The following LDB2 variants were observed in gnomAD, a reference collection of about 807,000 sequenced individuals.
The protein encoded by LDB2 is LIM domain binding 2.
Under a neutral mutation model 44.3 loss-of-function variants are expected in LDB2, and 12 were observed. The ratio of observed to expected loss-of-function variants is 0.27; its 90% CI spans 0.17 to 0.44. The LOEUF (loss-of-function observed/expected upper bound fraction) is 0.44, where lower values mean the gene tolerates loss of function less well. Ranked by LOEUF, LDB2 falls within the 20% of genes least tolerant of loss-of-function variation. LDB2 has a pLI of 1.00. For missense variants in LDB2, 344 were observed against 473.5 expected, an observed-to-expected ratio of 0.73 and a Z score of 2.54; for synonymous variants, 164 against 174.8, an observed-to-expected ratio of 0.94 and a Z score of 0.49.
chr4:16,555,828 C>T (rs1393140939), intron 5 of LDB2, among the ~76,000 whole-genome samples: 1 of 152,180 alleles, frequency 6.6e-6, no homozygotes, highest in Non-Finnish European at 1.5e-5. Context: ...GGAATACATG[C>T]TCTGTGTCAT....
intron 2 of LDB2, among the ~76,000 whole-genome samples, chr4:16,729,001 G>A (rs1760141755): frequency 6.6e-6 from 1 of 152,166 alleles, no homozygotes; most frequent in Admixed American, 6.5e-5. Context: ...TTATTGGAAG[G>A]ACTTGGGTAT....
intron 1 of LDB2, among the ~76,000 whole-genome samples, chr4:16,860,521 A>G (rs1213554148): frequency 1.3e-5 from 2 of 152,198 alleles, no homozygotes; most frequent in African/African-American, 2.4e-5. Context: ...ACTTTTATAA[A>G]TGAGTGCCAC....
In LDB2 at chr4:16,896,686, G is replaced by T. The variant is rs536649096; in HGVS notation, c.132+1668C>A. 3.3e-5 allele frequency among the ~76,000 whole-genome samples: 5 copies of T among 152,260 alleles called. 1 individual carries two copies. In the South Asian group the frequency reaches 1.0e-3, roughly 32 times the overall value. On this transcript the variant is annotated intron_variant, in intron 1 of 7. Coordinates refer to ENST00000304523, the MANE Select transcript of LDB2 (RefSeq NM_001290.5). ...TTTATAACTAATCATACTTTTAAAA[G>T]ACTATTTTTTCCAAATTTGTATTGC...
intron 1 of LDB2, among the ~76,000 whole-genome samples, chr4:16,790,992 A>G (rs1561241748): frequency 6.6e-6 from 1 of 152,130 alleles, no homozygotes; most frequent in Non-Finnish European, 1.5e-5. Flanking sequence ...TTTGCTCAGC[A>G]ACTTCTATTT....
At chr4:16,762,619 AC>A (rs998627566) in intron 1 of LDB2, among the ~76,000 whole-genome samples, 15 of 152,018 alleles carry the variant, frequency 9.9e-5, no homozygotes, top group African/African-American at 2.9e-4. Context: ...AAGGGAAACC[AC>A]CCCCATGATT....
intron 1 of LDB2, among the ~76,000 whole-genome samples, chr4:16,801,046 A>G (rs929182647): frequency 3.3e-5 from 5 of 152,198 alleles, no homozygotes; most frequent in Admixed American, 2.6e-4. Flanking sequence ...CTTCGGATGC[A>G]TGACCCTGAG....
rs114235373 is a variant in LDB2 at position 16,827,152 on chromosome 4, G to T, written c.133-67892C>A. 4.1e-3 allele frequency among the ~76,000 whole-genome samples: 630 copies of T among 152,238 alleles called. 4 individuals are homozygous for T. Among genetic ancestry groups the T allele is most frequent in the African/African-American group, 0.014 (584 of 41,536 alleles). On this transcript the variant is annotated intron_variant, in intron 1 of 7. Coordinates refer to ENST00000304523, the MANE Select transcript of LDB2 (RefSeq NM_001290.5). Reference sequence around the variant, plus strand: ...AAACAACCCCATCACCAAGAAACAAGAATCCAGATCACAAGTTGCGCTTCA... The same window carrying T: ...AAACAACCCCATCACCAAGAAACAATAATCCAGATCACAAGTTGCGCTTCA...
At chr4:16,545,181 C>T (rs1735307801) in intron 5 of LDB2, among the ~76,000 whole-genome samples, 1 of 151,610 alleles carries the variant, frequency 6.6e-6, no homozygotes, top group Non-Finnish European at 1.5e-5. Context: ...ACTTCCCTCC[C>T]TCCCTCTTTT....
intron 1 of LDB2, among the ~76,000 whole-genome samples, chr4:16,777,694 T>C (rs1772245409): frequency 6.6e-6 from 1 of 152,064 alleles, no homozygotes. Context: ...GTAAATTCCT[T>C]CTCTCTTCTG....
At chr4:16,870,130 G>A (rs2110336213) in intron 1 of LDB2, among the ~76,000 whole-genome samples, 1 of 152,254 alleles carries the variant, frequency 6.6e-6, no homozygotes, top group African/African-American at 2.4e-5. Context: ...ACATTCAGAG[G>A]TGAAGGAAGG....
intron 1 of LDB2, among the ~76,000 whole-genome samples, chr4:16,810,476 A>C (rs934509849): frequency 3.3e-5 from 5 of 152,192 alleles, no homozygotes; most frequent in Non-Finnish European, 7.3e-5. Flanking sequence ...AGGGAAGATA[A>C]GGGTAGTTGT....
At chr4:16,888,759 C>T (rs1722487743) in intron 1 of LDB2, 1 of 964,586 alleles carries the variant, frequency 1.0e-6, no homozygotes, top group Non-Finnish European at 1.2e-6. Flanking sequence ...GATGTGGCAC[C>T]TATCATATAC....
At chr4:16,860,968 C>T (rs563167524) in intron 1 of LDB2, among the ~76,000 whole-genome samples, 19 of 152,138 alleles carry the variant, frequency 1.2e-4, no homozygotes, top group Non-Finnish European at 2.2e-4. Flanking sequence ...TTCGTCTTGA[C>T]ACAAGGATTC....
intron 5 of LDB2, among the ~76,000 whole-genome samples, chr4:16,551,496 T>C (rs1231372706): frequency 6.6e-6 from 1 of 152,046 alleles, no homozygotes; most frequent in Non-Finnish European, 1.5e-5. Flanking sequence ...ACTTCAACTA[T>C]CTATTTATTT....
chr4:16,845,437 A>G (rs150141675), intron 1 of LDB2, among the ~76,000 whole-genome samples: 18 of 152,292 alleles, frequency 1.2e-4, no homozygotes, highest in Admixed American at 3.3e-4. Flanking sequence ...GCAATAGGCA[A>G]AGCTTACTTT....
At chr4:16,802,006 G>C (rs1015994693) in intron 1 of LDB2, among the ~76,000 whole-genome samples, 1 of 152,182 alleles carries the variant, frequency 6.6e-6, no homozygotes, top group African/African-American at 2.4e-5. Flanking sequence ...TCCAAAGTGT[G>C]CTTACTCTGG....
intron 2 of LDB2, among the ~76,000 whole-genome samples, chr4:16,601,954 C>G (rs1357221102): frequency 2.6e-5 from 4 of 151,938 alleles, no homozygotes; most frequent in African/African-American, 4.8e-5. Context: ...GGGGGTGATA[C>G]TAGTTCAAGG....
intron 1 of LDB2, among the ~76,000 whole-genome samples, chr4:16,865,990 T>C (rs1028925688): frequency 2.0e-5 from 3 of 152,154 alleles, no homozygotes; most frequent in African/African-American, 7.2e-5. Context: ...GCTACCCCCA[T>C]TCAGGCACTC....
rs1315288524 is a variant in LDB2, at chr4:16,659,671, G to GTGTGTATATATATATATATATATA, written c.236-63797_236-63796insTATATATATATATATATATACACA. Among the ~76,000 whole-genome samples the GTGTGTATATATATATATATATATA allele has an allele frequency of 7.7e-3, 1,027 of 132,960 alleles. 23 individuals are homozygous for GTGTGTATATATATATATATATATA. Among genetic ancestry groups the GTGTGTATATATATATATATATATA allele is most frequent in the African/African-American group, 0.029 (958 of 32,582 alleles). 87.2% of individuals were successfully genotyped at this position (132,960 alleles called of 152,430 possible). ...CACACATATGAGTATATCTATGTGT[G>GTGTGTATATATATATATATATATA]TATATATATATATATATATATGTAT... On this transcript the variant is annotated intron_variant, in intron 2 of 7. Coordinates refer to ENST00000304523, the MANE Select transcript of LDB2 (RefSeq NM_001290.5).
Sources: gnomAD v4.1 joint callset for allele counts (sites outside exome capture counted in the v4.1 genomes callset) on GRCh38, gnomAD v4.1.1 for gene constraint, MANE v1.5 for transcripts, NCBI Gene and HGNC (gene_info 2026-07-23, HGNC 2026-07-21) for gene names.